EPHA10: variants seen among roughly 807,000 people sequenced by gnomAD.
The protein encoded by EPHA10 is EPH receptor A10, also known as ephrin type-A receptor 10.
EPHA10 carries 120 observed loss-of-function variants against 109.7 expected under a neutral mutation model. The observed-to-expected ratio is 1.09, with a 90% CI of 0.94 to 1.27. EPHA10 has a LOEUF of 1.27. Ranked by LOEUF, EPHA10 falls within the 50% of genes most tolerant of loss-of-function variation. The pLI, the probability that EPHA10 is intolerant of heterozygous loss-of-function variation, is 0.00. For synonymous variants in EPHA10, 640 were observed against 618.9 expected, an observed-to-expected ratio of 1.03 and a Z score of -0.51; for missense variants, 1,396 against 1,411.1, an observed-to-expected ratio of 0.99 and a Z score of 0.17.
intron 5 of EPHA10, among the ~76,000 whole-genome samples, chr1:37,749,288 T>C (rs12076473): frequency 0.013 from 1,903 of 152,138 alleles, 36 homozygotes; most frequent in African/African-American, 0.043. Flanking sequence ...ACTAGATCAG[T>C]GGAAGCTTAG....
chr1:37,731,512 G>A lies in EPHA10; in HGVS notation c.1562C>T (p.Pro521Leu), dbSNP rs747231922. 1.5e-5 allele frequency: 25 copies of A among 1,613,958 alleles called. No individual in the cohort carries two copies. The highest frequency in any genetic ancestry group is 8.9e-5 in the East Asian group (4 of 44,882). Residue 521 changes from proline (P) to leucine (L), a missense_variant, in exon 7 of 17, where the codon CCG becomes CTG. Coordinates refer to ENST00000373048, the MANE Select transcript of EPHA10 (RefSeq NM_001099439.2). ...APTVTVTNLK[P>L]ATRYVFQIRA... Reference sequence around the variant, plus strand: ...GATCTGAAAGACGTAGCGGGTAGCCGGCTTCAGGTTGGTGACGGTGACTGT... The same window carrying A: ...GATCTGAAAGACGTAGCGGGTAGCCAGCTTCAGGTTGGTGACGGTGACTGT...
In EPHA10 at chr1:37,727,926, A is replaced by G. The variant is rs182217508; in HGVS notation, c.1664-716T>C. ...ATCAACCCATCCATCCATCCAACCT[A>G]TGTGCCTGGTTTGCATTAGTACTGA... is the stretch of plus-strand genomic sequence containing the variant. On this transcript the variant is annotated intron_variant, in intron 7 of 16. Transcript: ENST00000373048. Among the ~76,000 whole-genome samples, 304 of 152,228 alleles carry G rather than the reference A, an allele frequency of 2.0e-3. 2 individuals carry two copies. The highest frequency in any genetic ancestry group is 8.3e-3 in the Admixed American group (127 of 15,290).
intron 2 of EPHA10, 38 bp downstream of exon 2, chr1:37,762,747 A>G: frequency 6.6e-7 from 1 of 1,522,758 alleles, no homozygotes; most frequent in Non-Finnish European, 8.9e-7. Context: ...GGACCACCAG[A>G]GGATCCCTGG....
At chr1:37,724,247 T>G (rs766980430) in intron 8 of EPHA10, among the ~76,000 whole-genome samples, 2 of 152,112 alleles carry the variant, frequency 1.3e-5, no homozygotes, top group African/African-American at 2.4e-5. Context: ...GAGGGAGAAG[T>G]TGCCCACAGT....
At chr1:37,750,327 T>C (rs940764727) in intron 5 of EPHA10, among the ~76,000 whole-genome samples, 1 of 152,152 alleles carries the variant, frequency 6.6e-6, no homozygotes, top group Non-Finnish European at 1.5e-5. Context: ...AAAAAAAGAA[T>C]TTTTAAAGAT....
At chr1:37,731,355 GC>G (rs1415375702) in intron 7 of EPHA10, 55 bp downstream of exon 7, 1 of 1,490,176 alleles carries the variant, frequency 6.7e-7, no homozygotes, top group Non-Finnish European at 9.0e-7. Context: ...CCCTACCTCA[GC>G]CCCGTGCAGG....
In EPHA10 at chr1:37,716,241, G is replaced by A; in HGVS notation, c.*2131C>T. On this transcript the variant is annotated 3_prime_UTR_variant, in exon 17 of 17. Coordinates refer to ENST00000373048, the MANE Select transcript of EPHA10 (RefSeq NM_001099439.2). ...GGATTCTGGGACCTCACTCCTCAGT[G>A]GAGGGGAGATCTACCCTGGACACCG... 3.5e-6 allele frequency: 1 copy of A among 287,952 alleles called. No individual in the cohort carries two copies. Among genetic ancestry groups the A allele is most frequent in the Non-Finnish European group, 6.6e-6 (1 of 152,250 alleles). 17.8% of individuals were successfully genotyped at this position (287,952 alleles called of 1,614,324 possible). A position where few individuals can be genotyped will look rare whatever the true frequency, so the allele number is the denominator to read the frequency against.
intron 5 of EPHA10, among the ~76,000 whole-genome samples, chr1:37,739,016 G>T (rs539533684): frequency 1.3e-5 from 2 of 152,122 alleles, no homozygotes; most frequent in Non-Finnish European, 2.9e-5. Flanking sequence ...TGGAGGGTAG[G>T]GGGAGGGATA....
intron 7 of EPHA10, among the ~76,000 whole-genome samples, chr1:37,730,991 C>T (rs113984815): frequency 0.017 from 2,520 of 152,230 alleles, 66 homozygotes; most frequent in African/African-American, 0.055. Flanking sequence ...CGCGCCTGGC[C>T]GCAATCCTTA....
At chr1:37,741,425 A>G (rs558514726) in intron 5 of EPHA10, among the ~76,000 whole-genome samples, 30 of 152,344 alleles carry the variant, frequency 2.0e-4, no homozygotes, top group South Asian at 8.3e-4. Context: ...TCAGGCTCTG[A>G]CAAGTGCGTG....
chr1:37,729,433 G>C (rs371844843), intron 7 of EPHA10, among the ~76,000 whole-genome samples: 1 of 152,344 alleles, frequency 6.6e-6, no homozygotes, highest in Admixed American at 6.5e-5. Context: ...CCAAGACCTT[G>C]ATTTGGGGCT....
intron 5 of EPHA10, among the ~76,000 whole-genome samples, chr1:37,748,066 A>G (rs1321924316): frequency 6.6e-6 from 1 of 152,210 alleles, no homozygotes; most frequent in African/African-American, 2.4e-5. Context: ...TAAAGATTAA[A>G]AATATCAAAC....
intron 3 of EPHA10, among the ~76,000 whole-genome samples, chr1:37,757,391 C>T (rs1308496395): frequency 1.3e-5 from 2 of 152,234 alleles, no homozygotes; most frequent in African/African-American, 4.8e-5. Context: ...CCCTTCCCTT[C>T]CTAATGTCCT....
At chr1:37,722,181 T>C (rs944844732) in intron 10 of EPHA10, 1 of 245,142 alleles carries the variant, frequency 4.1e-6, no homozygotes, top group South Asian at 5.6e-5. Flanking sequence ...TAAATCCTGG[T>C]AAACTGAGTA....
chr1:37,731,620 G>T (rs767896679), intron 6 of EPHA10, 38 bp from the exon 7 acceptor site: 11 of 1,571,622 alleles, frequency 7.0e-6, no homozygotes, highest in African/African-American at 1.4e-5. Context: ...ACCAGCGCCA[G>T]ATCCACTGTT....
At position 37,753,193 on chromosome 1, in the gene EPHA10, C is replaced by G. The variant is rs1236100013; in HGVS notation, c.1040G>C (p.Ser347Thr). 5 of 1,373,484 alleles carry G rather than the reference C, an allele frequency of 3.6e-6. No individual in the cohort carries two copies. The highest frequency in any genetic ancestry group is 4.7e-6 in the Non-Finnish European group (5 of 1,066,444). The allele number at this position is 1,373,484 out of a possible 1,614,324, so 85.1% of individuals were successfully genotyped here. A position where few individuals can be genotyped will look rare whatever the true frequency, so the allele number is the denominator to read the frequency against. Reference protein sequence around the residue: ...PPSAPRDLQYSLSRSPLVLRL... With the variant: ...PPSAPRDLQYTLSRSPLVLRL... ...CAGCACCAGCGGCGAGCGGCTCAGG[C>G]TGTACTGCAGGTCCCGCGGCGCCGA... The change falls in exon 5 of 17, where the codon AGC becomes ACC. Residue 347 changes from serine (S) to threonine (T), a missense_variant. Transcript: ENST00000373048.
chr1:37,717,688 C>T lies in EPHA10; in HGVS notation c.*684G>A. 4.3e-6 allele frequency: 1 copy of T among 231,578 alleles called. No individual in the cohort carries two copies. The highest frequency in any genetic ancestry group is 8.5e-6 in the Non-Finnish European group (1 of 117,068). The allele number at this position is 231,578 out of a possible 1,614,324, so 14.3% of individuals were successfully genotyped here. On this transcript the variant is annotated 3_prime_UTR_variant, in exon 17 of 17. Transcript: ENST00000373048. ...AGGGCCTCTCATGGCCCGGCCTGGC[C>T]AGGACTTTTGGCCTCACCCTGAACT...
chr1:37,719,643 T>C lies in EPHA10; in HGVS notation c.2563-36A>G, dbSNP rs771379554. 3.1e-6 allele frequency: 5 copies of C among 1,609,574 alleles called. No homozygotes were observed. In the South Asian group the frequency reaches 5.5e-5, roughly 18 times the overall value. On this transcript the variant is annotated intron_variant, in intron 14 of 16. Coordinates refer to ENST00000373048, the MANE Select transcript of EPHA10 (RefSeq NM_001099439.2). The stretch of plus-strand genomic sequence containing the variant: ...GGGGTGGGGAGCAGAGAGGAGGCTC[T>C]GGGTTTCCCCAGCATATGGTGTGTG...
rs1023958518 is a variant in EPHA10 at position 37,764,433 on chromosome 1, G to C, written c.106+528C>G. Among the ~76,000 whole-genome samples, 5 of 152,336 alleles carry C rather than the reference G, an allele frequency of 3.3e-5. No homozygotes were observed. The highest frequency in any genetic ancestry group is 1.3e-4 in the Admixed American group (2 of 15,304). ...AGCCTCAAACCCGGCAACGCGGAGC[G>C]CGCCCGGCAGACTACGCTCAGAATT... On this transcript the variant is annotated intron_variant, in intron 1 of 16. Coordinates refer to ENST00000373048, the MANE Select transcript of EPHA10 (RefSeq NM_001099439.2). This position sits in a 1 kb window ranked among gnomAD's most constrained non-coding sequence, Gnocchi z 5.8.
Sources: allele counts gnomAD v4.1 joint callset (sites outside exome capture counted in the v4.1 genomes callset), GRCh38; gene constraint gnomAD v4.1.1; non-coding constraint Gnocchi (gnomAD v3.1); transcripts MANE v1.5; gene names NCBI Gene and HGNC (gene_info 2026-07-23, HGNC 2026-07-21).